MLIP: variants seen among roughly 807,000 people sequenced by gnomAD.
MLIP encodes muscular LMNA interacting protein.
MLIP carries 79 observed loss-of-function variants against 84.8 expected under a neutral mutation model. That is an observed-to-expected ratio of 0.93 (90% CI 0.78 to 1.12). The LOEUF is 1.12. Among genes scored for constraint, MLIP ranks in the 50% most tolerant of loss-of-function variants. The pLI, the probability that MLIP is intolerant of heterozygous loss-of-function variation, is 0.00. For missense variants in MLIP, 1,257 were observed against 1,160.6 expected, an observed-to-expected ratio of 1.08 and a Z score of -1.21; for synonymous variants, 504 against 463.0, an observed-to-expected ratio of 1.09 and a Z score of -1.14.
intron 13 of MLIP, among the ~76,000 whole-genome samples, chr6:54,257,864 T>A (rs1050908868): frequency 2.0e-5 from 3 of 152,086 alleles, no homozygotes; most frequent in Admixed American, 2.0e-4. Context: ...GCATATCAGC[T>A]CAATCATAGC....
intron 13 of MLIP, among the ~76,000 whole-genome samples, chr6:54,262,432 A>G (rs1783446396): frequency 6.6e-6 from 1 of 152,036 alleles, no homozygotes; most frequent in Non-Finnish European, 1.5e-5. Context: ...TAAGAAAAAA[A>G]TGACAGCATC....
intron 1 of MLIP, 27 bp from the exon 2 acceptor site, chr6:54,121,420 A>C: frequency 6.2e-7 from 1 of 1,609,894 alleles, no homozygotes; most frequent in Non-Finnish European, 8.5e-7. Context: ...ACAAGGCTGA[A>C]AGTCTAATTA....
At chr6:54,033,267 ATTT>A (rs1190645133) in intron 1 of MLIP, among the ~76,000 whole-genome samples, 3 of 141,048 alleles carry the variant, frequency 2.1e-5, no homozygotes, top group African/African-American at 5.2e-5. Flanking sequence ...GGAGGAACTA[ATTT>A]TTTTTTTTTT....
intron 1 of MLIP, among the ~76,000 whole-genome samples, chr6:54,051,361 A>AT (rs915452233): frequency 1.3e-5 from 2 of 151,952 alleles, no homozygotes; most frequent in Admixed American, 1.3e-4. Flanking sequence ...TCAAATATTA[A>AT]TTTTTTCTTT....
intron 12 of MLIP, among the ~76,000 whole-genome samples, chr6:54,235,490 T>C (rs1449986457): frequency 6.6e-6 from 1 of 152,216 alleles, no homozygotes; most frequent in African/African-American, 2.4e-5. Context: ...TCATGCATAT[T>C]ATAGGTCATC....
intron 10 of MLIP, among the ~76,000 whole-genome samples, chr6:54,197,891 T>G (rs1778408975): frequency 6.6e-6 from 1 of 152,142 alleles, no homozygotes; most frequent in African/African-American, 2.4e-5. Context: ...CAAATTAAAT[T>G]GTTCAGAATT....
chr6:54,053,991 A>G (rs1045502775), intron 1 of MLIP, among the ~76,000 whole-genome samples: 4 of 152,122 alleles, frequency 2.6e-5, no homozygotes, highest in Non-Finnish European at 4.4e-5. Context: ...CAGAGTTTAG[A>G]TTTTCTTTAA....
At chr6:54,221,134 C>A (rs946290546) in intron 11 of MLIP, among the ~76,000 whole-genome samples, 3 of 152,012 alleles carry the variant, frequency 2.0e-5, no homozygotes, top group Admixed American at 2.0e-4. Flanking sequence ...CTCTCTGTGG[C>A]AGCCTGGGCA....
intron 11 of MLIP, among the ~76,000 whole-genome samples, chr6:54,227,507 T>A (rs1415091551): frequency 1.3e-5 from 2 of 152,186 alleles, no homozygotes. Context: ...CAAAAGTAGA[T>A]GAAGATATAC....
chr6:54,137,849 C>A lies in MLIP; in HGVS notation c.1780C>A (p.Leu594Ile). Residue 594 changes from leucine (L) to isoleucine (I), a missense_variant, in exon 4 of 14, where the codon CTA (leucine) becomes ATA (isoleucine). Leu to Ile is a conservative substitution (Grantham distance 5). Transcript: ENST00000502396. ...ATTAGCCTCCTCTGCATTATCTTCT[C>A]TATCTCCTCCTATTAATCAAAGAGC... The part of the protein sequence containing the change: ...STLASSALSS[L>I]SPPINQRATF... The A allele has an allele frequency of 1.3e-6, 2 of 1,536,134 alleles. No individual in the cohort carries two copies. Among genetic ancestry groups the A allele is most frequent in the Non-Finnish European group, 1.7e-6 (2 of 1,146,904 alleles).
chr6:54,228,040 G>A (rs1217699634), intron 11 of MLIP, among the ~76,000 whole-genome samples: 1 of 151,954 alleles, frequency 6.6e-6, no homozygotes, highest in Non-Finnish European at 1.5e-5. Flanking sequence ...AAAATTAGCC[G>A]GGCGTGGTGG....
At chr6:54,040,736 A>G (rs1263123940) in intron 1 of MLIP, among the ~76,000 whole-genome samples, 7 of 152,100 alleles carry the variant, frequency 4.6e-5, no homozygotes, top group Admixed American at 4.6e-4. Context: ...ATGCAGCCAT[A>G]AAAAAGATAG....
In MLIP at chr6:54,138,295, T is replaced by G; in HGVS notation, c.2217+9T>G. The G allele has an allele frequency of 6.5e-7, 1 of 1,531,252 alleles. No individual in the cohort carries two copies. The highest frequency in any genetic ancestry group is 8.7e-7 in the Non-Finnish European group (1 of 1,143,574). The allele number at this position is 1,531,252 out of a possible 1,614,324, so 94.9% of individuals were successfully genotyped here. A position where few individuals can be genotyped will look rare whatever the true frequency, so the allele number is the denominator to read the frequency against. On this transcript the variant is annotated intron_variant, in intron 4 of 13. Coordinates refer to ENST00000502396, the MANE Select transcript of MLIP (RefSeq NM_001281747.2). ...AAAATAAGAAATCAAAGGTATTTTT[T>G]GCATGTTGCATGGTGCATGCTTATT...
chr6:54,038,724 C>G (rs915043074), intron 1 of MLIP, among the ~76,000 whole-genome samples: 1 of 151,904 alleles, frequency 6.6e-6, no homozygotes, highest in African/African-American at 2.4e-5. Flanking sequence ...GTCTCCTGAA[C>G]TTTTGTTTTC....
intron 11 of MLIP, among the ~76,000 whole-genome samples, chr6:54,208,919 T>C (rs186344545): frequency 7.8e-4 from 119 of 152,366 alleles, no homozygotes; most frequent in African/African-American, 2.6e-3. Context: ...TGTTAATAAG[T>C]ATGCTTAGGA....
chr6:54,194,856 T>G (rs9474758), intron 10 of MLIP, among the ~76,000 whole-genome samples: 4,689 of 151,862 alleles, frequency 0.031, 217 homozygotes, highest in African/African-American at 0.11. Flanking sequence ...TCTCTTTTGT[T>G]TTTTCCAATA....
At chr6:54,156,271 A>T (rs1429489540) in intron 5 of MLIP, among the ~76,000 whole-genome samples, 1 of 152,100 alleles carries the variant, frequency 6.6e-6, no homozygotes, top group Non-Finnish European at 1.5e-5. Context: ...TTAAGTTCAA[A>T]ATAAGCCCCC....
chr6:54,104,980 C>G (rs879445717), intron 1 of MLIP, among the ~76,000 whole-genome samples: 1 of 152,100 alleles, frequency 6.6e-6, no homozygotes, highest in African/African-American at 2.4e-5. Flanking sequence ...CCACAAAAAC[C>G]CTTGCTCACC....
At chr6:54,209,861 T>C (rs1453721824) in intron 11 of MLIP, among the ~76,000 whole-genome samples, 5 of 152,172 alleles carry the variant, frequency 3.3e-5, no homozygotes, top group African/African-American at 1.2e-4. Context: ...TTTTAAGAAT[T>C]AGAGACAGTA....
Sources: gnomAD v4.1 joint callset for allele counts (sites outside exome capture counted in the v4.1 genomes callset) on GRCh38, gnomAD v4.1.1 for gene constraint, MANE v1.5 for transcripts, NCBI Gene and HGNC (gene_info 2026-07-23, HGNC 2026-07-21) for gene names.